Variants in MTAP observed in about 807,000 individuals in gnomAD.
MTAP encodes the protein methylthioadenosine phosphorylase.
MTAP carries 33 observed loss-of-function variants against 33.6 expected under a neutral mutation model. The observed-to-expected ratio is 0.98, with a 90% CI of 0.74 to 1.31. MTAP has a LOEUF of 1.31. Among genes scored for constraint, MTAP ranks in the 40% most tolerant of loss-of-function variants. The pLI, the probability that MTAP is intolerant of heterozygous loss-of-function variation, is 0.00. For synonymous variants in MTAP, 148 were observed against 125.7 expected, an observed-to-expected ratio of 1.18 and a Z score of -1.19; for missense variants, 367 against 360.0, an observed-to-expected ratio of 1.02 and a Z score of -0.16.
At chr9:21,834,116 C>T (rs1224835023) in intron 4 of MTAP, among the ~76,000 whole-genome samples, 2 of 152,160 alleles carry the variant, frequency 1.3e-5, no homozygotes, top group African/African-American at 4.8e-5. Flanking sequence ...TTGGGATTGG[C>T]AGAAGAAATG....
chr9:21,825,666 T>C (rs1563835784), intron 4 of MTAP, among the ~76,000 whole-genome samples: 1 of 152,260 alleles, frequency 6.6e-6, no homozygotes, highest in East Asian at 1.9e-4. Context: ...AGTGAGACCT[T>C]GTCTCTGTAA....
At chr9:21,918,787 G>C (rs1818737020) in intron 1 of MTAP, among the ~76,000 whole-genome samples, 1 of 152,102 alleles carries the variant, frequency 6.6e-6, no homozygotes, top group Non-Finnish European at 1.5e-5. Context: ...TGCCAGGTAA[G>C]ATGTGTCTTT....
At chr9:21,873,957 A>G (rs925539285) in intron 1 of MTAP, among the ~76,000 whole-genome samples, 1 of 152,152 alleles carries the variant, frequency 6.6e-6, no homozygotes, top group African/African-American at 2.4e-5. Context: ...GGGAAGATTA[A>G]CAGGAAATAG....
At chr9:21,817,803 G>T (rs76111766) in intron 3 of MTAP, among the ~76,000 whole-genome samples, 2 of 152,088 alleles carry the variant, frequency 1.3e-5, no homozygotes, top group African/African-American at 4.8e-5. Context: ...ATGACAGTGG[G>T]GTCCTCACTA....
In MTAP at chr9:21,864,031, A is replaced by G. The variant is rs536532045; in HGVS notation, c.*2017A>G. ...GTAACGTGTGATTGTTTTCACTACA[A>G]TATGATACATAGATGGTACCTTACT... is the stretch of plus-strand genomic sequence containing the variant. On this transcript the variant is annotated 3_prime_UTR_variant, in exon 8 of 8. Coordinates refer to ENST00000644715, the MANE Select transcript of MTAP (RefSeq NM_002451.4). The G allele has an allele frequency of 1.7e-5, 17 of 985,608 alleles. No homozygotes were observed. The highest frequency in any genetic ancestry group is 2.3e-4 in the East Asian group (2 of 8,806). 61.1% of individuals were successfully genotyped at this position (985,608 alleles called of 1,614,324 possible). A position where few individuals can be genotyped will look rare whatever the true frequency, so the allele number is the denominator to read the frequency against.
At chr9:21,912,366 C>T (rs1453506552) in intron 1 of MTAP, among the ~76,000 whole-genome samples, 3 of 152,102 alleles carry the variant, frequency 2.0e-5, no homozygotes, top group Non-Finnish European at 4.4e-5. Context: ...TGGTGAACAT[C>T]GATGCAAAAA....
chr9:21,823,926 C>T (rs971306494), intron 4 of MTAP, among the ~76,000 whole-genome samples: 1 of 152,220 alleles, frequency 6.6e-6, no homozygotes, highest in Non-Finnish European at 1.5e-5. Flanking sequence ...GCATTCGTCA[C>T]GTAGTTCTCG....
chr9:21,932,287 T>C (rs1195086213), downstream of MTAP: 4 of 152,196 alleles, frequency 2.6e-5, no homozygotes, highest in Admixed American at 2.6e-4. Flanking sequence ...ATAGTTTAAA[T>C]GATAATAGTC....
At chr9:21,905,002 C>T (rs913026082) in intron 1 of MTAP, among the ~76,000 whole-genome samples, 1 of 152,164 alleles carries the variant, frequency 6.6e-6, no homozygotes. Flanking sequence ...GGCTCCAACT[C>T]CATGGCAGTG....
At chr9:21,839,127 G>C (rs975289451) in intron 5 of MTAP, among the ~76,000 whole-genome samples, 1 of 151,528 alleles carries the variant, frequency 6.6e-6, no homozygotes, top group Non-Finnish European at 1.5e-5. Flanking sequence ...AGATACCACT[G>C]CGCATTGATT....
At chr9:21,926,774 A>G (rs975714424) in intron 1 of MTAP, among the ~76,000 whole-genome samples, 1 of 152,158 alleles carries the variant, frequency 6.6e-6, no homozygotes, top group Admixed American at 6.6e-5. Flanking sequence ...TCCAGACACT[A>G]GATTTTCTCA....
rs1468448443 is a variant in MTAP, at chr9:21,864,587, C to G, written c.*2573C>G. On this transcript the variant is annotated 3_prime_UTR_variant, in exon 8 of 8. Transcript: ENST00000644715. Reference sequence around the variant, plus strand: ...AGAATGACATCCTGGCCCTGTGGTCCCCGAGGGTCATGGTCCTTGTGACCT... The same window carrying G: ...AGAATGACATCCTGGCCCTGTGGTCGCCGAGGGTCATGGTCCTTGTGACCT... 3 of 985,364 alleles carry G rather than the reference C, an allele frequency of 3.0e-6. No individual in the cohort carries two copies. The highest frequency in any genetic ancestry group is 3.6e-6 in the Non-Finnish European group (3 of 830,012). The allele number at this position is 985,364 out of a possible 1,614,324, so 61.0% of individuals were successfully genotyped here.
At chr9:21,841,329 C>T (rs1825238528) in intron 5 of MTAP, among the ~76,000 whole-genome samples, 1 of 152,238 alleles carries the variant, frequency 6.6e-6, no homozygotes, top group Admixed American at 6.5e-5. Context: ...CAACTGAGGC[C>T]ATTACAGCAA....
chr9:21,939,162 A>G (rs545627087), downstream of MTAP, among the ~76,000 whole-genome samples: 92 of 152,304 alleles, frequency 6.0e-4, no homozygotes, highest in African/African-American at 2.1e-3. Context: ...ACCATCAGGT[A>G]AGAAGTGCCT....
chr9:21,839,503 G>A (rs1213572555), intron 5 of MTAP, among the ~76,000 whole-genome samples: 2 of 152,184 alleles, frequency 1.3e-5, no homozygotes, highest in African/African-American at 4.8e-5. Flanking sequence ...GCTGTATAGA[G>A]CACATGTAAA....
intron 6 of MTAP, 135 bp downstream of exon 6, chr9:21,855,005 G>A (rs548484013): frequency 6.6e-6 from 8 of 1,211,116 alleles, no homozygotes; most frequent in Non-Finnish European, 9.1e-6. Flanking sequence ...AATATTTTCT[G>A]TAGTTCCATT....
Position 21,905,173 on chromosome 9 carries a change from T to A in MTAP, c.148-25835T>A, listed in dbSNP as rs933903327. ...TCTGTATCCTGGGTTCCTTCCCTAG[T>A]GTATTGGAAAAATCAGATCACACGT... On this transcript the variant is annotated intron_variant, in intron 1 of 1. Coordinates refer to the MTAP transcript ENST00000577563. Among the ~76,000 whole-genome samples, 3 of 152,150 alleles carry A rather than the reference T, an allele frequency of 2.0e-5. No homozygotes were observed. The East Asian group carries it at 5.8e-4, about 29-fold the overall frequency.
chr9:21,918,035 G>A lies in MTAP; in HGVS notation c.148-12973G>A, dbSNP rs956139677. Among the ~76,000 whole-genome samples the A allele has an allele frequency of 1.3e-5, 2 of 152,172 alleles. 1 individual carries two copies. Among genetic ancestry groups the A allele is most frequent in the African/African-American group, 4.8e-5 (2 of 41,452 alleles). On this transcript the variant is annotated intron_variant, in intron 1 of 1. Transcript: ENST00000577563. ...TGTTTTCACTTACAAGTGGAACTTA[G>A]CTATAAGGATGCAAAGGCATAAGAG...
chr9:21,924,440 T>A (rs1437240587), intron 1 of MTAP, among the ~76,000 whole-genome samples: 1 of 152,240 alleles, frequency 6.6e-6, no homozygotes, highest in East Asian at 1.9e-4. Flanking sequence ...GCATAAATTT[T>A]AAATTTTTAA....
Sources: allele counts gnomAD v4.1 joint callset (sites outside exome capture counted in the v4.1 genomes callset), GRCh38; gene constraint gnomAD v4.1.1; transcripts MANE v1.5; gene names NCBI Gene and HGNC (gene_info 2026-07-23, HGNC 2026-07-21).